Variants in PAPPA2 observed in about 807,000 individuals in gnomAD.
PAPPA2 encodes pappalysin 2, also known as pappalysin-2.
PAPPA2 carries 86 observed loss-of-function variants against 176.4 expected under a neutral mutation model. That is an observed-to-expected ratio of 0.49 (90% CI 0.41 to 0.58). The LOEUF is 0.58. PAPPA2 is among the 20% of genes least tolerant of loss of function. The pLI, the probability that PAPPA2 is intolerant of heterozygous loss-of-function variation, is 0.00. For synonymous variants in PAPPA2, 809 were observed against 852.2 expected (o/e 0.95, Z 0.88); for missense variants, 2,073 against 2,256.9 (o/e 0.92, Z 1.65).
intron 4 of PAPPA2, among the ~76,000 whole-genome samples, chr1:176,680,941 G>A (rs980169002): frequency 2.0e-5 from 3 of 152,174 alleles, no homozygotes; most frequent in South Asian, 2.1e-4. Context: ...GAAAAGAGGA[G>A]TTCTGTTTGA....
In PAPPA2 at chr1:176,692,138, C is replaced by G. The variant is rs1558523068; in HGVS notation, c.2444C>G (p.Thr815Ser). 1 of 1,613,212 alleles carries G rather than the reference C, an allele frequency of 6.2e-7. No homozygotes were observed. Among genetic ancestry groups the G allele is most frequent in the African/African-American group, 1.3e-5 (1 of 75,052 alleles). Residue 815 changes from threonine (T) to serine (S), a missense_variant, in exon 6 of 23, where the codon ACT (threonine) becomes AGT (serine). Thr to Ser is a moderately conservative substitution (Grantham distance 58, BLOSUM62 1). This residue lies in a region of PAPPA2 where 1,196 missense variants were observed against 1,330.4 expected (regional missense o/e 0.90). Coordinates refer to ENST00000367662, the MANE Select transcript of PAPPA2 (RefSeq NM_020318.3). ...TTTGTCTCCACAGATGATAACTGCACTGACAACTTCACTCCTAACCAAGTG... is the reference window on the plus strand; with the variant it reads ...TTTGTCTCCACAGATGATAACTGCAGTGACAACTTCACTCCTAACCAAGTG... ...NYMSYTDDNC[T>S]DNFTPNQVAR... is the part of the protein sequence containing the mutation.
chr1:176,596,303 C>T (rs1365546663), intron 3 of PAPPA2, among the ~76,000 whole-genome samples: 1 of 152,166 alleles, frequency 6.6e-6, no homozygotes, highest in Non-Finnish European at 1.5e-5. Flanking sequence ...TGCAATCTGG[C>T]CTCTGTCTAC....
At chr1:176,466,223 T>A (rs184925001) in intron 1 of PAPPA2, among the ~76,000 whole-genome samples, 1 of 152,260 alleles carries the variant, frequency 6.6e-6, no homozygotes, top group East Asian at 1.9e-4. Flanking sequence ...AAAATGAAAT[T>A]CCTGTAATTG....
intron 9 of PAPPA2, among the ~76,000 whole-genome samples, chr1:176,703,847 C>A (rs791029): frequency 0.81 from 123,812 of 152,186 alleles, 50,515 homozygotes; most frequent in East Asian, 0.98. Flanking sequence ...CTCAGCCTGC[C>A]ACCTTCCCTC....
intron 8 of PAPPA2, among the ~76,000 whole-genome samples, chr1:176,700,535 G>A (rs1480158314): frequency 6.6e-6 from 1 of 152,246 alleles, no homozygotes; most frequent in Non-Finnish European, 1.5e-5. Context: ...AGCTGAGACA[G>A]CTGGCATGGC....
At chr1:176,834,053 T>G (rs190937024) in intron 21 of PAPPA2, among the ~76,000 whole-genome samples, 5 of 152,294 alleles carry the variant, frequency 3.3e-5, no homozygotes, top group Admixed American at 6.5e-5. Context: ...GCTAAGGAAA[T>G]GTAGTTTGCC....
intron 21 of PAPPA2, among the ~76,000 whole-genome samples, chr1:176,827,679 C>T (rs1321570974): frequency 6.6e-6 from 1 of 152,110 alleles, no homozygotes; most frequent in Non-Finnish European, 1.5e-5. Flanking sequence ...TTATGCAGCA[C>T]TCATGCCACA....
chr1:176,826,064 A>G (rs1666854977), intron 21 of PAPPA2, among the ~76,000 whole-genome samples: 1 of 152,210 alleles, frequency 6.6e-6, no homozygotes, highest in African/African-American at 2.4e-5. Flanking sequence ...AGGGGCTGAG[A>G]ATTTAATTAA....
At chr1:176,757,526 T>C (rs941068711) in intron 14 of PAPPA2, among the ~76,000 whole-genome samples, 10 of 152,248 alleles carry the variant, frequency 6.6e-5, no homozygotes, top group Non-Finnish European at 1.3e-4. Context: ...TGTCTCTTCA[T>C]ATCCTTTGCC....
intron 3 of PAPPA2, among the ~76,000 whole-genome samples, chr1:176,598,841 C>T (rs1051874487): frequency 6.6e-6 from 1 of 152,102 alleles, no homozygotes; most frequent in African/African-American, 2.4e-5. Flanking sequence ...TGGGACTTCT[C>T]TTCAATGCGT....
rs538174784 is a variant in PAPPA2 at position 176,657,277 on chromosome 1, G to T, written c.1992-13693G>T. Among the ~76,000 whole-genome samples the T allele has an allele frequency of 3.3e-5, 5 of 152,020 alleles. 1 individual carries two copies. The highest frequency in any genetic ancestry group is 1.9e-4 in the East Asian group (1 of 5,142). ...CATGGAAGGGAAGGCAGATGCTATT[G>T]GTCCAAAAGCCCAGTGGCCCGGATA... On this transcript the variant is annotated intron_variant, in intron 3 of 22. Transcript: ENST00000367662.
chr1:176,841,425 A>G (rs1667485468), intron 22 of PAPPA2, among the ~76,000 whole-genome samples: 1 of 151,992 alleles, frequency 6.6e-6, no homozygotes, highest in African/African-American at 2.4e-5. Flanking sequence ...AAATTTCCCC[A>G]CACAACCCCA....
chr1:176,496,494 G>A (rs982012866), intron 1 of PAPPA2, among the ~76,000 whole-genome samples: 4 of 152,100 alleles, frequency 2.6e-5, no homozygotes, highest in African/African-American at 9.7e-5. Flanking sequence ...TTTGGTTTTT[G>A]TATTGCCGAG....
chr1:176,707,172 A>G (rs2102829044), intron 10 of PAPPA2, among the ~76,000 whole-genome samples: 1 of 152,300 alleles, frequency 6.6e-6, no homozygotes, highest in East Asian at 1.9e-4. Flanking sequence ...ATAACCACAC[A>G]TTGAAGTTTT....
intron 3 of PAPPA2, among the ~76,000 whole-genome samples, chr1:176,651,653 C>G (rs1281663838): frequency 6.6e-6 from 1 of 151,466 alleles, no homozygotes; most frequent in Non-Finnish European, 1.5e-5. Flanking sequence ...AATTTTATCT[C>G]TTTCTCAAGA....
rs1667567963 is a variant in PAPPA2 at position 176,843,765 on chromosome 1, C to A, written c.*1311C>A. ...TGGAAGTGATCAGGGAGACTCGGTC[C>A]TTGTTCCAAGTCTCCAAAGAAGACC... On this transcript the variant is annotated 3_prime_UTR_variant, in exon 23 of 23. Coordinates refer to ENST00000367662, the MANE Select transcript of PAPPA2 (RefSeq NM_020318.3). 1 of 152,078 alleles carries A rather than the reference C, an allele frequency of 6.6e-6. No homozygotes were observed. Among genetic ancestry groups the A allele is most frequent in the Non-Finnish European group, 1.5e-5 (1 of 68,016 alleles). 9.4% of individuals were successfully genotyped at this position (152,078 alleles called of 1,614,324 possible). A position where few individuals can be genotyped will look rare whatever the true frequency, so the allele number is the denominator to read the frequency against.
rs192453129 is a variant in PAPPA2 at position 176,465,694 on chromosome 1, A to G, written c.-917+2276A>G. Among the ~76,000 whole-genome samples, 510 of 148,984 alleles carry G rather than the reference A, an allele frequency of 3.4e-3. 5 individuals carry two copies. Among genetic ancestry groups the G allele is most frequent in the Admixed American group, 0.028 (418 of 14,990 alleles). The stretch of plus-strand genomic sequence containing the variant: ...GAGTACATGTGCAGGTTTGTTATAT[A>G]GGTAAACTTGTGTCATGGGTTTTTT... On this transcript the variant is annotated intron_variant, in intron 1 of 22. Coordinates refer to ENST00000367662, the MANE Select transcript of PAPPA2 (RefSeq NM_020318.3).
At chr1:176,505,507 G>C (rs1648207418) in intron 1 of PAPPA2, among the ~76,000 whole-genome samples, 1 of 152,068 alleles carries the variant, frequency 6.6e-6, no homozygotes, top group African/African-American at 2.4e-5. Flanking sequence ...TTTGCCTGGA[G>C]ACACTTTCCA....
intron 2 of PAPPA2, among the ~76,000 whole-genome samples, chr1:176,578,009 T>C (rs1421741781): frequency 6.6e-6 from 1 of 152,146 alleles, no homozygotes; most frequent in Non-Finnish European, 1.5e-5. Flanking sequence ...CACTCCTAAC[T>C]TTAATCCTCC....
Sources: gnomAD v4.1 joint callset for allele counts (sites outside exome capture counted in the v4.1 genomes callset) on GRCh38, gnomAD v4.1.1 for gene constraint, gnomAD v4.1.1 regional missense constraint, MANE v1.5 for transcripts, NCBI Gene and HGNC (gene_info 2026-07-23, HGNC 2026-07-21) for gene names.